Variants in MEF2A observed in about 807,000 individuals in gnomAD.
The protein encoded by MEF2A is myocyte-specific enhancer factor 2A.
Under a neutral mutation model 55.8 loss-of-function variants are expected in MEF2A, and 28 were observed. The observed-to-expected ratio is 0.50, with a 90% CI of 0.37 to 0.69. The LOEUF (loss-of-function observed/expected upper bound fraction) is 0.69. MEF2A is among the 30% of genes least tolerant of loss of function. The pLI, the probability that MEF2A is intolerant of heterozygous loss-of-function variation, is 0.00. For synonymous variants in MEF2A, 239 were observed against 227.1 expected (o/e 1.05, Z -0.47); for missense variants, 528 against 626.2 (o/e 0.84, Z 1.67).
At chr15:99,655,181 T>G (rs1215157348) in intron 4 of MEF2A, among the ~76,000 whole-genome samples, 1 of 152,106 alleles carries the variant, frequency 6.6e-6, no homozygotes, top group African/African-American at 2.4e-5. Flanking sequence ...TGTAGTTCAA[T>G]AGAACAGAAT....
chr15:99,607,382 T>C (rs1975533188), intron 2 of MEF2A, among the ~76,000 whole-genome samples: 1 of 152,222 alleles, frequency 6.6e-6, no homozygotes. Flanking sequence ...CTCTGATATA[T>C]ACTCAAAATC....
intron 2 of MEF2A, among the ~76,000 whole-genome samples, chr15:99,610,411 GCCCCCCCCCCCCCCCACCCC>G (rs746495171): frequency 1.4e-5 from 1 of 71,562 alleles, no homozygotes; most frequent in African/African-American, 1.1e-4. Context: ...GGTCTCCCCC[GCCCCCCCCCCCCCCCACCCC>G]CCCCCGAAAT....
chr15:99,712,476 C>T lies in MEF2A; in HGVS notation c.1223C>T (p.Pro408Leu). The change falls in exon 12 of 12, where the codon CCT (proline) becomes CTT (leucine). Residue 408 changes from proline (P) to leucine (L), a missense_variant. Pro to Leu is a moderately conservative substitution (Grantham distance 98). Around this residue, in one of 2 missense-constraint regions of MEF2A, gnomAD observed 450 missense variants for 475.3 expected, o/e 0.95. Coordinates refer to ENST00000557942, the MANE Select transcript of MEF2A (RefSeq NM_001319206.4). The surrounding 1 kb of genome is among the most constrained non-coding windows in gnomAD (Gnocchi z 4.1). ...ISIKSEPISP[P>L]RDRMTPSGFQ... ...ATCAAGTCCGAACCGATTTCACCTC[C>T]TCGGGATCGTATGACCCCATCGGGC... is the stretch of plus-strand genomic sequence containing the variant. 1 of 1,551,766 alleles carries T rather than the reference C, an allele frequency of 6.4e-7. No individual in the cohort carries two copies. Among genetic ancestry groups the T allele is most frequent in the Non-Finnish European group, 8.7e-7 (1 of 1,146,996 alleles).
intron 2 of MEF2A, among the ~76,000 whole-genome samples, chr15:99,599,090 A>C (rs1972160767): frequency 6.6e-6 from 1 of 152,130 alleles, no homozygotes; most frequent in Non-Finnish European, 1.5e-5. Flanking sequence ...AAAAACTTAC[A>C]TTGGCCTAGG....
At chr15:99,711,492 G>A (rs2058639737) in intron 11 of MEF2A, among the ~76,000 whole-genome samples, 1 of 152,208 alleles carries the variant, frequency 6.6e-6, no homozygotes, top group African/African-American at 2.4e-5. Context: ...GTGGAACCAG[G>A]ATGACAGCAG....
chr15:99,620,394 A>G (rs756160690), intron 2 of MEF2A, among the ~76,000 whole-genome samples: 4 of 152,176 alleles, frequency 2.6e-5, no homozygotes, highest in Non-Finnish European at 4.4e-5. Flanking sequence ...CTTTGTGTCT[A>G]TATACACTCA....
At chr15:99,671,745 GACA>G in intron 5 of MEF2A, 1 of 1,307,154 alleles carries the variant, frequency 7.7e-7, no homozygotes, top group South Asian at 1.9e-5. Context: ...AGTGGGTGAT[GACA>G]ACAATAAGTA....
intron 2 of MEF2A, among the ~76,000 whole-genome samples, chr15:99,610,149 C>G (rs528850221): frequency 6.6e-6 from 1 of 151,722 alleles, no homozygotes; most frequent in African/African-American, 2.4e-5. Context: ...AGTGAACAAT[C>G]CAAAAATGAA....
chr15:99,591,425 G>A (rs1294483579), intron 1 of MEF2A, among the ~76,000 whole-genome samples: 1 of 152,040 alleles, frequency 6.6e-6, no homozygotes, highest in Admixed American at 6.6e-5. Flanking sequence ...TCCTCTGTGT[G>A]TAATGTGTCT....
At chr15:99,588,540 AG>A (rs953442211) in intron 1 of MEF2A, among the ~76,000 whole-genome samples, 6 of 151,920 alleles carry the variant, frequency 3.9e-5, no homozygotes, top group African/African-American at 1.5e-4. Context: ...TCCTGAGCTC[AG>A]GCAATCTGGC....
chr15:99,591,860 C>T (rs1349776661), intron 1 of MEF2A, among the ~76,000 whole-genome samples: 3 of 151,462 alleles, frequency 2.0e-5, no homozygotes, highest in Non-Finnish European at 2.9e-5. Context: ...CTTTTTTGTT[C>T]CTTTAAAAAA....
At chr15:99,662,015 T>A (rs2048736649) in intron 4 of MEF2A, among the ~76,000 whole-genome samples, 1 of 152,158 alleles carries the variant, frequency 6.6e-6, no homozygotes, top group Admixed American at 6.5e-5. Context: ...TGCTGAATAG[T>A]GTACTGTGTG....
intron 2 of MEF2A, among the ~76,000 whole-genome samples, chr15:99,624,673 G>A (rs185755155): frequency 5.9e-5 from 9 of 152,194 alleles, no homozygotes; most frequent in South Asian, 2.1e-4. Flanking sequence ...GATTTCATAC[G>A]AGTTTTAGGG....
In MEF2A at chr15:99,707,866, T is replaced by G. The variant is rs917634621; in HGVS notation, c.1009+1011T>G. The stretch of plus-strand genomic sequence containing the variant: ...GCAGCTACGTGAGGGGACAGAGCGT[T>G]GATAACATTTGATTGCCACTTGAAT... On this transcript the variant is annotated intron_variant, in intron 10 of 11. Transcript: ENST00000557942. Among the ~76,000 whole-genome samples the G allele has an allele frequency of 3.3e-5, 5 of 152,284 alleles. No individual in the cohort carries two copies. The East Asian group carries it at 9.6e-4, about 29-fold the overall frequency.
chr15:99,636,002 T>G (rs2153428535), intron 3 of MEF2A, among the ~76,000 whole-genome samples: 1 of 152,292 alleles, frequency 6.6e-6, no homozygotes, highest in Non-Finnish European at 1.5e-5. Flanking sequence ...GTAGTTCTAC[T>G]GGTTTACACT....
At chr15:99,565,578 AT>A (rs1354789673), upstream of MEF2A, 4 of 151,750 alleles carry the variant, frequency 2.6e-5, no homozygotes, top group African/African-American at 9.7e-5. Flanking sequence ...AGTGACCAGT[AT>A]CCCTTCCAGG....
intron 8 of MEF2A, among the ~76,000 whole-genome samples, chr15:99,691,105 T>G (rs2055356097): frequency 6.7e-6 from 1 of 150,058 alleles, no homozygotes; most frequent in African/African-American, 2.4e-5. Context: ...ATCAGGTTTT[T>G]TTTTTTTTTT....
At chr15:99,577,838 T>TTTGTA (rs1964784963) in intron 1 of MEF2A, among the ~76,000 whole-genome samples, 1 of 152,200 alleles carries the variant, frequency 6.6e-6, no homozygotes, top group Non-Finnish European at 1.5e-5. Context: ...CTTTGTAGAA[T>TTTGTA]GTCTTTCAAT....
chr15:99,575,278 A>G (rs2152779723), intron 1 of MEF2A, among the ~76,000 whole-genome samples: 1 of 152,214 alleles, frequency 6.6e-6, no homozygotes, highest in South Asian at 2.1e-4. Context: ...TATTTTTCCC[A>G]TTCCAATATT....
Sources: allele counts gnomAD v4.1 joint callset (sites outside exome capture counted in the v4.1 genomes callset), GRCh38; gene constraint gnomAD v4.1.1; regional missense constraint gnomAD v4.1.1; non-coding constraint Gnocchi (gnomAD v3.1); transcripts MANE v1.5; gene names NCBI Gene and HGNC (gene_info 2026-07-23, HGNC 2026-07-21).